NOS3: variants seen among roughly 807,000 people sequenced by gnomAD.
NOS3 encodes the protein nitric oxide synthase 3, also known as NOS type III.
In NOS3, 98 loss-of-function variants were observed where a neutral mutation model predicts 144.9. The observed-to-expected ratio is 0.68, with a 90% CI of 0.57 to 0.80. The LOEUF (loss-of-function observed/expected upper bound fraction) is 0.80. Among genes scored for constraint, NOS3 ranks in the 30% least tolerant of loss-of-function variants. The pLI is 0.00. For missense variants in NOS3, 1,465 were observed against 1,656.4 expected, an observed-to-expected ratio of 0.88 and a Z score of 2.01; for synonymous variants, 714 against 702.4, an observed-to-expected ratio of 1.02 and a Z score of -0.26.
intron 1 of NOS3, among the ~76,000 whole-genome samples, chr7:150,991,735 C>G (rs552166020): frequency 6.6e-6 from 1 of 152,276 alleles, no homozygotes; most frequent in East Asian, 1.9e-4. Context: ...GTGGCTCACA[C>G]CTGGAATCCC....
rs978902057 is a variant in NOS3 at position 151,012,218 on chromosome 7, GTTT to G, written c.2985-129_2985-127del. ...GTTTCAGCAAGTAGAGTTGTTTTTT[GTTT>G]TTTGTTTTTTTTTTAATTTTTTTTT... On this transcript the variant is annotated intron_variant, in intron 23 of 26. Coordinates refer to ENST00000297494, the MANE Select transcript of NOS3 (RefSeq NM_000603.5). 3 of 519,322 alleles carry G rather than the reference GTTT, an allele frequency of 5.8e-6. No individual in the cohort carries two copies. In the African/African-American group the frequency reaches 6.0e-5, roughly 10 times the overall value. The allele number at this position is 519,322 out of a possible 1,614,324, so 32.2% of individuals were successfully genotyped here.
intron 2 of NOS3, among the ~76,000 whole-genome samples, 158 bp downstream of exon 2, chr7:150,994,119 G>A (rs1479238100): frequency 2.6e-5 from 4 of 152,198 alleles, no homozygotes; most frequent in African/African-American, 7.2e-5. Context: ...AGTCTGGGAG[G>A]CTCAGAAAGG....
At chr7:151,011,629 T>A (rs1376238871) in intron 23 of NOS3, among the ~76,000 whole-genome samples, 1 of 136,962 alleles carries the variant, frequency 7.3e-6, no homozygotes, top group African/African-American at 2.6e-5. Flanking sequence ...AAAAAAAAAA[T>A]ATTCTCCTGT....
At position 151,003,078 on chromosome 7, in the gene NOS3, T is replaced by C. The variant is rs927248005; in HGVS notation, c.1752+774T>C. ...ATTTCTGAGTCTTACCTGCTCCAGC[T>C]TCTAGGTGTTAAAGGCCTTATTAGC... On this transcript the variant is annotated intron_variant, in intron 14 of 26. Coordinates refer to ENST00000297494, the MANE Select transcript of NOS3 (RefSeq NM_000603.5). This position sits in a 1 kb window ranked among gnomAD's most constrained non-coding sequence, Gnocchi z 4.1. 2 of 406,734 alleles carry C rather than the reference T, an allele frequency of 4.9e-6. No individual in the cohort carries two copies. Among genetic ancestry groups the C allele is most frequent in the Non-Finnish European group, 9.8e-6 (2 of 205,108 alleles). The allele number at this position is 406,734 out of a possible 1,614,324, so 25.2% of individuals were successfully genotyped here.
rs749043531 is a variant in NOS3, at chr7:151,001,984, G to T, written c.1647+19G>T. On this transcript the variant is annotated intron_variant, in intron 13 of 26. Transcript: ENST00000297494. ...TCCCCGGGTAGGGCTGAGCCCAGGG[G>T]AGCAGGGAGCTAGAAAGAGGGGGCT... 1 of 1,612,306 alleles carries T rather than the reference G, an allele frequency of 6.2e-7. No individual in the cohort carries two copies. Among genetic ancestry groups the T allele is most frequent in the East Asian group, 2.2e-5 (1 of 44,834 alleles).
rs748837695 is a variant in NOS3, at chr7:151,001,362, C to G, written c.1365C>G (p.Ser455Arg). ...GGATCGTGCCCCCCATCTCGGGCAG[C>G]CTCACTCCTGTTTTCCATCAGGAGA... Reference protein sequence around the residue: ...WAWIVPPISGSLTPVFHQEMV... With the variant: ...WAWIVPPISGRLTPVFHQEMV... The change falls in exon 11 of 27, where the codon AGC (serine) becomes AGG (arginine). Residue 455 changes from serine (S) to arginine (R), a missense_variant. By Grantham distance (110) the Ser-to-Arg change is moderately radical. This residue lies in a region of NOS3 where 745 missense variants were observed against 853.9 expected (regional missense o/e 0.87). Transcript: ENST00000297494. 1 of 1,612,314 alleles carries G rather than the reference C, an allele frequency of 6.2e-7. No homozygotes were observed. Among genetic ancestry groups the G allele is most frequent in the Non-Finnish European group, 8.5e-7 (1 of 1,179,128 alleles).
chr7:151,010,670 C>A lies in NOS3; in HGVS notation c.2759C>A (p.Ser920Ter). The stretch of plus-strand genomic sequence containing the variant: ...CTGGAGGTGCTGGAGCAGTTCCCGT[C>A]GGTGGCGCTGCCTGCCCCACTGCTC... Reference protein sequence around the residue: ...TLLEVLEQFPSVALPAPLLLT... With the variant: ...TLLEVLEQFP Residue 920 changes from serine (S) to a stop codon, truncating the protein, a stop_gained, in exon 22 of 27, where the codon TCG becomes TAG. Coordinates refer to ENST00000297494, the MANE Select transcript of NOS3 (RefSeq NM_000603.5). LOFTEE classifies it high-confidence loss of function. 6.2e-7 allele frequency: 1 copy of A among 1,608,536 alleles called. No individual in the cohort carries two copies. The highest frequency in any genetic ancestry group is 8.5e-7 in the Non-Finnish European group (1 of 1,177,898).
At chr7:151,000,953 G>A (rs1172215264) in intron 10 of NOS3, among the ~76,000 whole-genome samples, 1 of 152,156 alleles carries the variant, frequency 6.6e-6, no homozygotes, top group African/African-American at 2.4e-5. Flanking sequence ...GTTTGAGGAA[G>A]CCGGGGCCTG....
rs1802299381 is a variant in NOS3 at position 150,993,533 on chromosome 7, G to A, written c.-51-220G>A. 6.6e-6 allele frequency among the ~76,000 whole-genome samples: 1 copy of A among 152,040 alleles called. No individual in the cohort carries two copies. The highest frequency in any genetic ancestry group is 2.4e-5 in the African/African-American group (1 of 41,398). ...CATGCTGCAGCCCCAGGGCTCTGCT[G>A]GACACCTGGGCTCCCACTTATCAGC... is the stretch of plus-strand genomic sequence containing the variant. On this transcript the variant is annotated intron_variant, in intron 1 of 26. Coordinates refer to ENST00000297494, the MANE Select transcript of NOS3 (RefSeq NM_000603.5). The surrounding 1 kb of genome is among the most constrained non-coding windows in gnomAD (Gnocchi z 4.0).
chr7:151,001,689 G>A (rs1372263525), intron 12 of NOS3, 72 bp downstream of exon 12: 3 of 1,573,056 alleles, frequency 1.9e-6, no homozygotes, highest in East Asian at 2.2e-5. Flanking sequence ...CACCCTGGGG[G>A]ACCCTGCCCC....
rs769882368 is a variant in NOS3 at position 151,000,460 on chromosome 7, C to T, written c.1132-38C>T. Reference sequence around the variant, plus strand: ...CTCCCCACCCCACCCCCGTGATCACCTCTGTCCCTACCGATGCCACACACC... The same window carrying T: ...CTCCCCACCCCACCCCCGTGATCACTTCTGTCCCTACCGATGCCACACACC... On this transcript the variant is annotated intron_variant, in intron 9 of 26. Coordinates refer to ENST00000297494, the MANE Select transcript of NOS3 (RefSeq NM_000603.5). 6.8e-6 allele frequency: 9 copies of T among 1,320,556 alleles called. No individual in the cohort carries two copies. In the East Asian group the frequency reaches 1.8e-4, roughly 27 times the overall value. The allele number at this position is 1,320,556 out of a possible 1,614,324, so 81.8% of individuals were successfully genotyped here. A position where few individuals can be genotyped will look rare whatever the true frequency, so the allele number is the denominator to read the frequency against.
In NOS3 at chr7:151,013,486, G is replaced by C. The variant is rs1000362669; in HGVS notation, c.3255+107G>C. Reference sequence around the variant, plus strand: ...CCACGGCCCTCCCGTGGCCTCCCACGACCACTCAGCCACCCCTGCACACTC... The same window carrying C: ...CCACGGCCCTCCCGTGGCCTCCCACCACCACTCAGCCACCCCTGCACACTC... On this transcript the variant is annotated intron_variant, in intron 25 of 26. Coordinates refer to ENST00000297494, the MANE Select transcript of NOS3 (RefSeq NM_000603.5). The C allele has an allele frequency of 4.3e-6, 6 of 1,401,644 alleles. No homozygotes were observed. In the Admixed American group the frequency reaches 8.9e-5, roughly 21 times the overall value. 86.8% of individuals were successfully genotyped at this position (1,401,644 alleles called of 1,614,324 possible). A position where few individuals can be genotyped will look rare whatever the true frequency, so the allele number is the denominator to read the frequency against.
rs139440577 is a variant in NOS3 at position 150,993,037 on chromosome 7, C to T, written c.-51-716C>T. 7.2e-5 allele frequency among the ~76,000 whole-genome samples: 11 copies of T among 152,282 alleles called. No homozygotes were observed. In the East Asian group the frequency reaches 1.2e-3, roughly 16 times the overall value. ...TAGTCTCTCTGCTGACCTGCGGCCCCGGGAAGCGTGCGTCACTGAATGACA... is the reference window on the plus strand; with the variant it reads ...TAGTCTCTCTGCTGACCTGCGGCCCTGGGAAGCGTGCGTCACTGAATGACA... On this transcript the variant is annotated intron_variant, in intron 1 of 26. Coordinates refer to ENST00000297494, the MANE Select transcript of NOS3 (RefSeq NM_000603.5). This position sits in a 1 kb window ranked among gnomAD's most constrained non-coding sequence, Gnocchi z 4.0.
In NOS3 at chr7:151,013,733, C is replaced by G; in HGVS notation, c.3265C>G (p.Gln1089Glu). 2 of 1,606,844 alleles carry G rather than the reference C, an allele frequency of 1.2e-6. No individual in the cohort carries two copies. The change falls in exon 26 of 27, where the codon CAG becomes GAG. Residue 1089 changes from glutamine to glutamate, a missense_variant. Around this residue, in one of 5 missense-constraint regions of NOS3, gnomAD observed 228 missense variants for 227.7 expected, o/e 1.00. Transcript: ENST00000297494. ...REPDNPKTYV[Q>E]DILRTELAAE... ...CCCCGCCGCCCCGCAGACCTACGTGCAGGACATCCTGAGGACGGAGCTGGC... is the reference window on the plus strand; with the variant it reads ...CCCCGCCGCCCCGCAGACCTACGTGGAGGACATCCTGAGGACGGAGCTGGC...
chr7:150,991,892 A>T (rs1802261334), intron 1 of NOS3, among the ~76,000 whole-genome samples: 1 of 151,494 alleles, frequency 6.6e-6, no homozygotes, highest in African/African-American at 2.4e-5. Flanking sequence ...GCTACTCAGG[A>T]GGCTGGGTCA....
chr7:151,001,814 C>T lies in NOS3; in HGVS notation c.1503-7C>T, dbSNP rs1361806451. 1.2e-6 allele frequency: 2 copies of T among 1,613,618 alleles called. No homozygotes were observed. The highest frequency in any genetic ancestry group is 1.3e-5 in the African/African-American group (1 of 75,062). ...CCAGGACACCCTCACACCTTCCTCT[C>T]CCGCAGCGCCGTGAAGATCTCCGCC... On this transcript the variant is annotated splice_polypyrimidine_tract_variant and splice_region_variant and intron_variant, in intron 12 of 26. Coordinates refer to ENST00000297494, the MANE Select transcript of NOS3 (RefSeq NM_000603.5).
At chr7:151,012,626 C>A in intron 24 of NOS3, 154 bp downstream of exon 24, 1 of 883,540 alleles carries the variant, frequency 1.1e-6, no homozygotes, top group Non-Finnish European at 1.7e-6. Context: ...GGGCAGGTAC[C>A]AAAGGCAAGG....
At chr7:151,009,106 C>T (rs1221236066) in intron 18 of NOS3, 44 bp downstream of exon 18, 1 of 1,613,064 alleles carries the variant, frequency 6.2e-7, no homozygotes, top group Non-Finnish European at 8.5e-7. Context: ...CTCTGAGGCC[C>T]CCACACCCCG....
rs112325989 is a variant in NOS3 at position 150,995,357 on chromosome 7, G to A, written c.270+43G>A. 92 of 1,393,434 alleles carry A rather than the reference G, an allele frequency of 6.6e-5. 2 individuals are homozygous for A. The African/African-American group carries it at 8.9e-4, about 14-fold the overall frequency. 86.3% of individuals were successfully genotyped at this position (1,393,434 alleles called of 1,614,324 possible). A position where few individuals can be genotyped will look rare whatever the true frequency, so the allele number is the denominator to read the frequency against. ...TGTCCCCATCGTCTCCAGGGAAAGG[G>A]TGGGTAAGGCCTGGCCTCAGATGGG... On this transcript the variant is annotated intron_variant, in intron 3 of 26. Coordinates refer to ENST00000297494, the MANE Select transcript of NOS3 (RefSeq NM_000603.5).
Sources: gnomAD v4.1 joint callset for allele counts (sites outside exome capture counted in the v4.1 genomes callset) on GRCh38, gnomAD v4.1.1 for gene constraint, gnomAD v4.1.1 regional missense constraint, Gnocchi (gnomAD v3.1) non-coding constraint, MANE v1.5 for transcripts, NCBI Gene and HGNC (gene_info 2026-07-23, HGNC 2026-07-21) for gene names.